The following B4GALNT3 variants were observed in gnomAD, a reference collection of about 807,000 sequenced individuals.
The protein encoded by B4GALNT3 is beta-1,4-N-acetylgalactosaminyltransferase 3.
In B4GALNT3, 86 loss-of-function variants were observed where a neutral mutation model predicts 120.2. The observed-to-expected ratio is 0.72, with a 90% CI of 0.60 to 0.86. The LOEUF (loss-of-function observed/expected upper bound fraction) is 0.86. B4GALNT3 is among the 40% of genes least tolerant of loss of function. B4GALNT3 has a pLI of 0.00. For missense variants in B4GALNT3, 1,167 were observed against 1,298.9 expected, an observed-to-expected ratio of 0.90 and a Z score of 1.56; for synonymous variants, 518 against 510.4, an observed-to-expected ratio of 1.01 and a Z score of -0.20.
At chr12:557,546 C>T (rs896131846) in intron 15 of B4GALNT3, 62 bp from the exon 16 acceptor site, 16 of 1,538,840 alleles carry the variant, frequency 1.0e-5, no homozygotes, top group South Asian at 6.2e-5. Flanking sequence ...GGGGTGGAGG[C>T]GCTCATCCGC....
At chr12:468,318 A>AAAACTT (rs1946101788) in intron 1 of B4GALNT3, among the ~76,000 whole-genome samples, 3 of 152,356 alleles carry the variant, frequency 2.0e-5, no homozygotes, top group Admixed American at 2.0e-4. Flanking sequence ...TCTGGATTTA[A>AAAACTT]AAACTTAAAA....
At chr12:535,817 A>G (rs1946852813) in intron 2 of B4GALNT3, among the ~76,000 whole-genome samples, 1 of 152,218 alleles carries the variant, frequency 6.6e-6, no homozygotes, top group African/African-American at 2.4e-5. Context: ...ACAGACATGG[A>G]TTCCAGAGCT....
In B4GALNT3 at chr12:548,215, C is replaced by T. The variant is rs750447539; in HGVS notation, c.787-16C>T. 1 of 1,613,506 alleles carries T rather than the reference C, an allele frequency of 6.2e-7. No homozygotes were observed. Among genetic ancestry groups the T allele is most frequent in the Non-Finnish European group, 8.5e-7 (1 of 1,179,384 alleles). ...ACCTCCCACCTTCTGCATCTACCCT[C>T]TCTCTCCTCTTCCAGTGGCGACGGA... is the stretch of plus-strand genomic sequence containing the variant. On this transcript the variant is annotated splice_polypyrimidine_tract_variant and intron_variant, in intron 8 of 19. Transcript: ENST00000266383. This position sits in a 1 kb window ranked among gnomAD's most constrained non-coding sequence, Gnocchi z 4.9.
chr12:523,073 C>A (rs1258837407), intron 1 of B4GALNT3, among the ~76,000 whole-genome samples: 3 of 151,752 alleles, frequency 2.0e-5, no homozygotes, highest in Non-Finnish European at 4.4e-5. Context: ...GCACTTCCTT[C>A]GAGGCACCTT....
intron 1 of B4GALNT3, among the ~76,000 whole-genome samples, chr12:511,771 TCCACCTTCTTCCACCTTCCAC>T: frequency 1.2e-5 from 1 of 82,360 alleles, no homozygotes; most frequent in African/African-American, 5.0e-5. Context: ...CCTTCCACCT[TCCACCTTCTTCCACCTTCCAC>T]CTTCCACCTT....
intron 5 of B4GALNT3, 122 bp downstream of exon 5, chr12:545,094 G>T (rs894102356): frequency 1.6e-5 from 23 of 1,462,452 alleles, no homozygotes; most frequent in African/African-American, 2.8e-5. Context: ...CCCTCAGGAA[G>T]AGAGGGGAAA....
rs1161885550 is a variant in B4GALNT3 at position 460,748 on chromosome 12, C to T, written c.169+203C>T. ...GGGCCGAGCGCAGAATTCCCGAGCC[C>T]GGGCCTGCCCGCCGGCCACGTGGGT... On this transcript the variant is annotated intron_variant, in intron 1 of 19. Coordinates refer to ENST00000266383, the MANE Select transcript of B4GALNT3 (RefSeq NM_173593.4). This position sits in a 1 kb window ranked among gnomAD's most constrained non-coding sequence, Gnocchi z 8.0. Among the ~76,000 whole-genome samples the T allele has an allele frequency of 6.6e-6, 1 of 152,116 alleles. No individual in the cohort carries two copies. Among genetic ancestry groups the T allele is most frequent in the Non-Finnish European group, 1.5e-5 (1 of 67,992 alleles).
intron 1 of B4GALNT3, among the ~76,000 whole-genome samples, chr12:497,870 G>C (rs1946402545): frequency 6.6e-6 from 1 of 152,084 alleles, no homozygotes; most frequent in South Asian, 2.1e-4. Flanking sequence ...AGCCACTCTA[G>C]AAAGTGTTTT....
At chr12:512,124 G>GCTTCCAC (rs1358104496) in intron 1 of B4GALNT3, among the ~76,000 whole-genome samples, 1 of 41,744 alleles carries the variant, frequency 2.4e-5, no homozygotes, top group Non-Finnish European at 4.3e-5. Context: ...CCACCTTCGA[G>GCTTCCAC]CTTCCACCTT....
At chr12:512,458 C>A (rs1946594509) in intron 1 of B4GALNT3, among the ~76,000 whole-genome samples, 1 of 147,536 alleles carries the variant, frequency 6.8e-6, no homozygotes, top group East Asian at 2.1e-4. Flanking sequence ...CACCTTCCAC[C>A]TTCCACCTTC....
chr12:490,703 G>A (rs1023621990), intron 1 of B4GALNT3, among the ~76,000 whole-genome samples: 1 of 150,534 alleles, frequency 6.6e-6, no homozygotes, highest in Non-Finnish European at 1.5e-5. Context: ...ACTCCAGCCT[G>A]GGTGACAGAG....
intron 1 of B4GALNT3, among the ~76,000 whole-genome samples, chr12:526,013 G>A (rs1565602780): frequency 6.6e-6 from 1 of 152,188 alleles, no homozygotes. Context: ...CATCCAGTTA[G>A]CCCTGATGTC....
rs1460458455 is a variant in B4GALNT3 at position 548,755 on chromosome 12, A to T, written c.853+458A>T. Among the ~76,000 whole-genome samples, 8 of 152,018 alleles carry T rather than the reference A, an allele frequency of 5.3e-5. No individual in the cohort carries two copies. Among genetic ancestry groups the T allele is most frequent in the Non-Finnish European group, 7.4e-5 (5 of 67,998 alleles). ...CGACACCTCATCTCTACAAAAAATT[A>T]AAAAATTAACTGGGTGTGGTGGCGC... On this transcript the variant is annotated intron_variant, in intron 9 of 19. Transcript: ENST00000266383. The surrounding 1 kb of genome is among the most constrained non-coding windows in gnomAD (Gnocchi z 4.9).
At chr12:471,356 A>G (rs896592907) in intron 1 of B4GALNT3, among the ~76,000 whole-genome samples, 3 of 148,460 alleles carry the variant, frequency 2.0e-5, no homozygotes, top group African/African-American at 7.5e-5. Context: ...CTGCACTCCA[A>G]CGTGGGTGAC....
chr12:477,561 C>T (rs938857498), intron 1 of B4GALNT3, among the ~76,000 whole-genome samples: 2 of 152,180 alleles, frequency 1.3e-5, no homozygotes, highest in East Asian at 1.9e-4. Flanking sequence ...TGCACACTCC[C>T]GTCCTGAGAA....
chr12:487,160 C>A (rs55668494), intron 1 of B4GALNT3, among the ~76,000 whole-genome samples: 4,470 of 151,958 alleles, frequency 0.029, 83 homozygotes, highest in South Asian at 0.082. Context: ...AGAAAAAAGA[C>A]AAAAACATAA....
At chr12:519,234 A>G (rs767764716) in intron 1 of B4GALNT3, among the ~76,000 whole-genome samples, 10 of 152,248 alleles carry the variant, frequency 6.6e-5, no homozygotes, top group Non-Finnish European at 1.2e-4. Context: ...GATGGAAAAC[A>G]TATTCCCCTA....
intron 1 of B4GALNT3, among the ~76,000 whole-genome samples, chr12:521,841 A>G (rs1226056432): frequency 6.6e-6 from 1 of 152,190 alleles, no homozygotes; most frequent in African/African-American, 2.4e-5. Flanking sequence ...TGGAGCTTCC[A>G]TGGGAGCAGG....
intron 11 of B4GALNT3, 118 bp downstream of exon 11, chr12:551,149 C>T: frequency 3.4e-6 from 3 of 872,496 alleles, no homozygotes; most frequent in Admixed American, 2.3e-5. Context: ...TCCCAGCAGA[C>T]AGGACGTCCT....
Sources: gnomAD v4.1 joint callset for allele counts (sites outside exome capture counted in the v4.1 genomes callset) on GRCh38, gnomAD v4.1.1 for gene constraint, Gnocchi (gnomAD v3.1) non-coding constraint, MANE v1.5 for transcripts, NCBI Gene and HGNC (gene_info 2026-07-23, HGNC 2026-07-21) for gene names.